MED27: variants seen among roughly 807,000 people sequenced by gnomAD.
MED27 encodes the protein mediator complex subunit 27.
Under a neutral mutation model 38.2 loss-of-function variants are expected in MED27, and 30 were observed. The ratio of observed to expected loss-of-function variants is 0.79; its 90% CI spans 0.59 to 1.07. MED27 has a LOEUF of 1.07. MED27 is among the 50% of genes least tolerant of loss of function. The probability of loss-of-function intolerance (pLI) is 0.00; values close to 1 mark genes in which losing one functional copy is unlikely to be tolerated. For synonymous variants in MED27, 122 were observed against 153.5 expected (o/e 0.79, Z 1.52); for missense variants, 289 against 397.5 (o/e 0.73, Z 2.32).
intron 2 of MED27, among the ~76,000 whole-genome samples, chr9:132,042,323 A>C (rs1476705627): frequency 6.6e-6 from 1 of 152,224 alleles, no homozygotes; most frequent in African/African-American, 2.4e-5. Flanking sequence ...CTATTTATAC[A>C]TTGTATAAAC....
intron 6 of MED27, among the ~76,000 whole-genome samples, chr9:131,875,193 G>T (rs1464299712): frequency 1.4e-4 from 21 of 152,206 alleles, no homozygotes; most frequent in African/African-American, 4.3e-4. Flanking sequence ...CTGGACCCAG[G>T]ATCCTGCCTA....
chr9:131,869,403 A>T (rs1361236912), intron 6 of MED27: 2 of 985,044 alleles, frequency 2.0e-6, no homozygotes, highest in Non-Finnish European at 2.4e-6. Flanking sequence ...AAAAAAAAAA[A>T]AAAATCTGCT....
intron 3 of MED27, among the ~76,000 whole-genome samples, chr9:131,980,212 G>T (rs1241598393): frequency 6.6e-6 from 1 of 151,770 alleles, no homozygotes; most frequent in Non-Finnish European, 1.5e-5. Flanking sequence ...GCGGGTGGCG[G>T]GGGGGAGAGG....
At chr9:131,929,799 T>A (rs974532353) in intron 4 of MED27, among the ~76,000 whole-genome samples, 2 of 152,228 alleles carry the variant, frequency 1.3e-5, no homozygotes, top group African/African-American at 4.8e-5. Context: ...TGAACCCACC[T>A]GGGACCTAGG....
chr9:132,035,131 C>A (rs544283537), intron 2 of MED27, among the ~76,000 whole-genome samples: 1 of 152,104 alleles, frequency 6.6e-6, no homozygotes, highest in Non-Finnish European at 1.5e-5. Flanking sequence ...TTCCTACAAC[C>A]CACACCACCA....
chr9:132,068,504 G>C (rs900517790), intron 2 of MED27, among the ~76,000 whole-genome samples: 1 of 152,130 alleles, frequency 6.6e-6, no homozygotes, highest in Admixed American at 6.5e-5. Flanking sequence ...GGGAGGCTGC[G>C]GCATTGCCCT....
rs1285519505 is a variant in MED27, at chr9:131,872,398, TA to T, written c.724-9259del. Reference sequence around the variant, plus strand: ...TCGGAGTATTTCCTCACAAGATTAGTAAACAGGGAAAGTTAAGTACTCAAGT... The same window carrying T: ...TCGGAGTATTTCCTCACAAGATTAGTAACAGGGAAAGTTAAGTACTCAAGT... On this transcript the variant is annotated intron_variant, in intron 6 of 7. Coordinates refer to ENST00000292035, the MANE Select transcript of MED27 (RefSeq NM_004269.4). This position sits in a 1 kb window ranked among gnomAD's most constrained non-coding sequence, Gnocchi z 5.6. Among the ~76,000 whole-genome samples, 1 of 152,212 alleles carries T rather than the reference TA, an allele frequency of 6.6e-6. No individual in the cohort carries two copies. The highest frequency in any genetic ancestry group is 2.4e-5 in the African/African-American group (1 of 41,452).
At chr9:131,924,919 A>G (rs1446472254) in intron 4 of MED27, among the ~76,000 whole-genome samples, 1 of 152,192 alleles carries the variant, frequency 6.6e-6, no homozygotes, top group Admixed American at 6.5e-5. Context: ...ATATCATTCT[A>G]TAGTTATGTG....
chr9:131,962,834 GTAAA>G (rs1466759723), intron 3 of MED27, among the ~76,000 whole-genome samples: 1 of 152,102 alleles, frequency 6.6e-6, no homozygotes, highest in African/African-American at 2.4e-5. Flanking sequence ...ATAAATTTTT[GTAAA>G]TATTCTTGGC....
chr9:132,079,077 G>A (rs1834117070), intron 1 of MED27, among the ~76,000 whole-genome samples: 1 of 152,194 alleles, frequency 6.6e-6, no homozygotes, highest in Non-Finnish European at 1.5e-5. Flanking sequence ...TCCCACAGGA[G>A]TGGGAGTGAG....
rs190360385 is a variant in MED27, at chr9:132,050,485, A to G, written c.348+26957T>C. Among the ~76,000 whole-genome samples the G allele has an allele frequency of 1.4e-3, 213 of 152,358 alleles. 1 individual carries two copies. The highest frequency in any genetic ancestry group is 6.5e-3 in the Admixed American group (100 of 15,306). On this transcript the variant is annotated intron_variant, in intron 2 of 7. Coordinates refer to ENST00000292035, the MANE Select transcript of MED27 (RefSeq NM_004269.4). The stretch of plus-strand genomic sequence containing the variant: ...ACCTGATTTTGGCTGAAGGTGTCCA[A>G]TGAAGACAGTCGCTCTGTAAAAGAC...
At chr9:131,893,417 G>C (rs758928793) in intron 5 of MED27, among the ~76,000 whole-genome samples, 2 of 152,176 alleles carry the variant, frequency 1.3e-5, no homozygotes, top group African/African-American at 4.8e-5. Context: ...TCTTTCAACA[G>C]CAGTATTCAA....
chr9:131,940,619 T>C (rs928677363), intron 3 of MED27, among the ~76,000 whole-genome samples: 4 of 152,192 alleles, frequency 2.6e-5, no homozygotes, highest in African/African-American at 9.7e-5. Context: ...TTTTACCATG[T>C]TGGCCAGGCT....
At chr9:131,928,625 G>C (rs1344002606) in intron 4 of MED27, among the ~76,000 whole-genome samples, 1 of 152,206 alleles carries the variant, frequency 6.6e-6, no homozygotes, top group African/African-American at 2.4e-5. Flanking sequence ...GGAGAGTAAA[G>C]CCATGCTGGG....
At chr9:132,064,334 AGAG>A (rs1833764581) in intron 2 of MED27, among the ~76,000 whole-genome samples, 1 of 152,196 alleles carries the variant, frequency 6.6e-6, no homozygotes, top group Admixed American at 6.5e-5. Context: ...TCGGGGATCT[AGAG>A]GAGATGTAAA....
intron 3 of MED27, among the ~76,000 whole-genome samples, chr9:131,949,636 A>G (rs28579371): frequency 0.016 from 2,407 of 152,340 alleles, 56 homozygotes; most frequent in African/African-American, 0.055. Flanking sequence ...TCATAAAACA[A>G]CTGAGAAATC....
intron 4 of MED27, among the ~76,000 whole-genome samples, chr9:131,907,602 C>G (rs1374616457): frequency 6.6e-6 from 1 of 152,146 alleles, no homozygotes; most frequent in Non-Finnish European, 1.5e-5. Flanking sequence ...CCTTGGCCCC[C>G]CAAAGTGCCG....
At chr9:132,055,161 C>T (rs1161422895) in intron 2 of MED27, among the ~76,000 whole-genome samples, 2 of 152,186 alleles carry the variant, frequency 1.3e-5, no homozygotes, top group African/African-American at 4.8e-5. Context: ...GAAGCATTTC[C>T]TAAATGACCA....
intron 4 of MED27, among the ~76,000 whole-genome samples, chr9:131,919,985 A>AT (rs946092235): frequency 6.6e-6 from 1 of 151,812 alleles, no homozygotes; most frequent in Admixed American, 6.6e-5. Flanking sequence ...AATTTTTAAA[A>AT]TTTTTTGTAG....
Sources: allele counts gnomAD v4.1 joint callset (sites outside exome capture counted in the v4.1 genomes callset), GRCh38; gene constraint gnomAD v4.1.1; non-coding constraint Gnocchi (gnomAD v3.1); transcripts MANE v1.5; gene names NCBI Gene and HGNC (gene_info 2026-07-23, HGNC 2026-07-21).